Variants in GFOD2 observed in about 807,000 individuals in gnomAD.
GFOD2 encodes glucose-fructose oxidoreductase domain-containing protein 2.
A neutral mutation model predicts 24.6 loss-of-function variants in GFOD2; 9 were observed. That is an observed-to-expected ratio of 0.37 (90% CI 0.22 to 0.64). The LOEUF is 0.64. Among genes scored for constraint, GFOD2 ranks in the 30% least tolerant of loss-of-function variants. GFOD2 has a pLI of 0.65. For missense variants in GFOD2, 476 were observed against 532.5 expected (o/e 0.89, Z 1.04); for synonymous variants, 211 against 224.8 (o/e 0.94, Z 0.55).
chr16:67,675,439 G>T lies in GFOD2; in HGVS notation c.874C>A (p.Pro292Thr), dbSNP rs1329036825. The T allele has an allele frequency of 1.2e-6, 2 of 1,612,530 alleles. No individual in the cohort carries two copies. Among genetic ancestry groups the T allele is most frequent in the South Asian group, 1.1e-5 (1 of 91,084 alleles). Residue 292 changes from proline to threonine, a missense_variant, in exon 3 of 3, where the codon CCT (proline) becomes ACT (threonine). Pro to Thr is a conservative substitution (Grantham distance 38). Transcript: ENST00000268797. ...GGGACATCCTGGGGCCCCTGCTCAG[G>T]CAGTCCTGCGCCCACTGCCAGCGAG... ...RDSLAVGAGL[P>T]EQGPQDVPLL...
rs1350196738 is a variant in GFOD2, at chr16:67,718,632, TG to T, written c.-88+530del. 2.6e-5 allele frequency among the ~76,000 whole-genome samples: 4 copies of T among 152,326 alleles called. No individual in the cohort carries two copies. In the East Asian group the frequency reaches 7.7e-4, roughly 29 times the overall value. On this transcript the variant is annotated intron_variant, in intron 1 of 2. Coordinates refer to ENST00000268797, the MANE Select transcript of GFOD2 (RefSeq NM_030819.4). ...CATTGAGACGTGGCCATAGGGCACATGGGAGCTGGCAGAGCCACTCGCACCT... is the reference window on the plus strand; with the variant it reads ...CATTGAGACGTGGCCATAGGGCACATGGAGCTGGCAGAGCCACTCGCACCT...
At position 67,685,549 on chromosome 16, in the gene GFOD2, C is replaced by A. The variant is rs370537822; in HGVS notation, c.167G>T (p.Arg56Leu). ...EEMNIAFYTS[R>L]TDDILLHQDV... is the part of the protein sequence containing the mutation. ...TTGATGCAGCAAGATGTCATCAGTC[C>A]GGCTGGTGTAGAAGGCGATGTTCAT... The change falls in exon 2 of 3, where the codon CGG becomes CTG. Residue 56 changes from arginine (R) to leucine (L), a missense_variant. Coordinates refer to ENST00000268797, the MANE Select transcript of GFOD2 (RefSeq NM_030819.4). 1.5e-5 allele frequency: 25 copies of A among 1,614,032 alleles called. No homozygotes were observed. Among genetic ancestry groups the A allele is most frequent in the Admixed American group, 8.3e-5 (5 of 59,996 alleles).
In GFOD2 at chr16:67,675,461, C is replaced by T. The variant is rs779283353; in HGVS notation, c.852G>A (p.Ser284=). The T allele has an allele frequency of 2.5e-6, 4 of 1,612,050 alleles. No homozygotes were observed. The highest frequency in any genetic ancestry group is 3.4e-6 in the Non-Finnish European group (4 of 1,180,030). ...ATQEELLLRD[S]LAVGAGLPEQ... is the part of the protein sequence containing the mutation. ...CAGGCAGTCCTGCGCCCACTGCCAG[C>T]GAGTCCCTCAAGAGCAGCTCCTCTT... Residue 284 remains serine (S), a synonymous_variant, in exon 3 of 3, where the codon TCG becomes TCA. Coordinates refer to ENST00000268797, the MANE Select transcript of GFOD2 (RefSeq NM_030819.4).
chr16:67,681,393 A>G (rs143353035), intron 2 of GFOD2: 3 of 985,188 alleles, frequency 3.0e-6, no homozygotes, highest in African/African-American at 3.5e-5. Flanking sequence ...GAAAGAGGGA[A>G]AGACCTCTCT....
rs1365487177 is a variant in GFOD2 at position 67,685,607 on chromosome 16, T to A, written c.109A>T (p.Thr37Ser). ...GCAAGCTGCTTCGCCTCCTCCTCAG[T>A]CTTCCCCCACAGGGCCTCAACAGTG... ...GFTVEALWGK[T>S]EEEAKQLAEE... Residue 37 changes from threonine to serine, a missense_variant, in exon 2 of 3, where the codon ACT becomes TCT. Transcript: ENST00000268797. The A allele has an allele frequency of 2.5e-6, 4 of 1,614,034 alleles. No homozygotes were observed. The African/African-American group carries it at 5.3e-5, about 22-fold the overall frequency.
At chr16:67,708,009 G>C (rs112197254) in intron 1 of GFOD2, among the ~76,000 whole-genome samples, 6 of 152,240 alleles carry the variant, frequency 3.9e-5, no homozygotes, top group African/African-American at 1.4e-4. Flanking sequence ...CTGAGGCGGA[G>C]GGAATCGAAC....
rs565295586 is a variant in GFOD2, at chr16:67,705,471, G to A, written c.-88+13692C>T. On this transcript the variant is annotated intron_variant, in intron 1 of 2. Transcript: ENST00000268797. The stretch of plus-strand genomic sequence containing the variant: ...TATCCACCCATCTCAGCCCCGCAAA[G>A]TGCTGAGAACACAGGCGTGAGCCAC... Among the ~76,000 whole-genome samples, 12 of 152,262 alleles carry A rather than the reference G, an allele frequency of 7.9e-5. No individual in the cohort carries two copies. In the South Asian group the frequency reaches 1.5e-3, roughly 18 times the overall value.
chr16:67,685,457 C>G lies in GFOD2; in HGVS notation c.259G>C (p.Gly87Arg). The change falls in exon 2 of 3, where the codon GGT becomes CGT. Residue 87 changes from glycine to arginine, a missense_variant and splice_region_variant. Gly to Arg is a moderately radical substitution (Grantham distance 125). Transcript: ENST00000268797. Reference sequence around the variant, plus strand: ...CCCTGCTGTGGCCTGCCGGGCGTACCTAGAGCCTTCACGGATATCTGCCGG... The same window carrying G: ...CCCTGCTGTGGCCTGCCGGGCGTACGTAGAGCCTTCACGGATATCTGCCGG... ...LTRQISVKAL[G>R]IGKNVVCEKA... The G allele has an allele frequency of 6.2e-7, 1 of 1,614,154 alleles. No individual in the cohort carries two copies. The highest frequency in any genetic ancestry group is 8.5e-7 in the Non-Finnish European group (1 of 1,180,018).
intron 1 of GFOD2, among the ~76,000 whole-genome samples, chr16:67,700,243 T>C (rs922495990): frequency 2.6e-5 from 4 of 151,386 alleles, no homozygotes; most frequent in African/African-American, 9.7e-5. Context: ...GTCATGACAG[T>C]ATGTGCCTGT....
At chr16:67,691,516 C>CT (rs1331229136) in intron 1 of GFOD2, among the ~76,000 whole-genome samples, 2 of 147,834 alleles carry the variant, frequency 1.4e-5, no homozygotes, top group Non-Finnish European at 3.0e-5. Context: ...AGACCCCCCC[C>CT]CAAAAAAAAA....
At chr16:67,686,873 G>C (rs553090885) in intron 1 of GFOD2, among the ~76,000 whole-genome samples, 1 of 151,274 alleles carries the variant, frequency 6.6e-6, no homozygotes, top group South Asian at 2.1e-4. Context: ...GAGGCCGGGC[G>C]TGGTGGCTCA....
intron 1 of GFOD2, among the ~76,000 whole-genome samples, chr16:67,693,450 TTTG>T (rs1029091468): frequency 3.3e-5 from 5 of 152,130 alleles, no homozygotes; most frequent in African/African-American, 1.2e-4. Flanking sequence ...TTTTGTGTTT[TTTG>T]TAGAGACAGG....
Position 67,675,604 on chromosome 16 carries a change from C to A in GFOD2, c.709G>T (p.Val237Leu). The A allele has an allele frequency of 1.2e-6, 2 of 1,613,358 alleles. No individual in the cohort carries two copies. The highest frequency in any genetic ancestry group is 1.7e-6 in the Non-Finnish European group (2 of 1,180,040). Residue 237 changes from valine to leucine, a missense_variant, in exon 3 of 3, where the codon GTG becomes TTG. By Grantham distance (32) the Val-to-Leu change is conservative. Coordinates refer to ENST00000268797, the MANE Select transcript of GFOD2 (RefSeq NM_030819.4). ...CCTGGCATGTTGAAGTTGAGTGTCA[C>A]TGTGCTACACACACCCCCACCCATG... ...MLMGGGVCST[V>L]TLNFNMPGAF...
chr16:67,675,370 G>C lies in GFOD2; in HGVS notation c.943C>G (p.Arg315Gly). The C allele has an allele frequency of 6.2e-7, 1 of 1,613,214 alleles. No homozygotes were observed. The highest frequency in any genetic ancestry group is 8.5e-7 in the Non-Finnish European group (1 of 1,179,956). ...KGMVYMVQAL[R>G]QSFQGQGDRR... is the part of the protein sequence containing the mutation. Reference sequence around the variant, plus strand: ...TCGCCCTGCCCCTGGAAGGACTGGCGCAAGGCCTGCACCATGTAGACCATG... The same window carrying C: ...TCGCCCTGCCCCTGGAAGGACTGGCCCAAGGCCTGCACCATGTAGACCATG... The change falls in exon 3 of 3, where the codon CGC becomes GGC. Residue 315 changes from arginine (R) to glycine (G), a missense_variant. Coordinates refer to ENST00000268797, the MANE Select transcript of GFOD2 (RefSeq NM_030819.4).
At chr16:67,688,650 G>A (rs2053285838) in intron 1 of GFOD2, among the ~76,000 whole-genome samples, 1 of 151,818 alleles carries the variant, frequency 6.6e-6, no homozygotes, top group Non-Finnish European at 1.5e-5. Context: ...AGAGTGATGT[G>A]GGCCACATCA....
intron 2 of GFOD2, chr16:67,680,416 T>C (rs1414207199): frequency 6.6e-6 from 1 of 152,166 alleles, no homozygotes; most frequent in African/African-American, 2.4e-5. Flanking sequence ...ATAAATAAAA[T>C]CAAAACGAAT....
intron 1 of GFOD2, among the ~76,000 whole-genome samples, chr16:67,689,422 G>T (rs948507636): frequency 6.6e-6 from 1 of 151,520 alleles, no homozygotes; most frequent in Non-Finnish European, 1.5e-5. Context: ...TGTAATCCCA[G>T]CACTTTGGGA....
At chr16:67,680,847 T>C (rs2053220050) in intron 2 of GFOD2, 1 of 985,116 alleles carries the variant, frequency 1.0e-6, no homozygotes, top group Admixed American at 6.1e-5. Context: ...ATGTGCCGTG[T>C]TGGTGTGAAT....
chr16:67,682,491 C>A, intron 2 of GFOD2: 10 of 985,358 alleles, frequency 1.0e-5, no homozygotes, highest in Non-Finnish European at 1.2e-5. Context: ...CACTTCTGAA[C>A]TGAAGAATAA....
Sources: allele counts gnomAD v4.1 joint callset (sites outside exome capture counted in the v4.1 genomes callset), GRCh38; gene constraint gnomAD v4.1.1; transcripts MANE v1.5; gene names NCBI Gene and HGNC (gene_info 2026-07-23, HGNC 2026-07-21).